CNTN4: variants seen among roughly 807,000 people sequenced by gnomAD.
The protein encoded by CNTN4 is contactin 4.
In CNTN4, 77 loss-of-function variants were observed where a neutral mutation model predicts 122.5. That is an observed-to-expected ratio of 0.63 (90% confidence interval 0.52 to 0.76). The LOEUF (loss-of-function observed/expected upper bound fraction) is 0.76, where lower values mean the gene tolerates loss of function less well. Ranked by LOEUF, CNTN4 falls within the 30% of genes least tolerant of loss-of-function variation. The probability of loss-of-function intolerance (pLI) is 0.00; values close to 1 mark genes in which losing one functional copy is unlikely to be tolerated. For synonymous variants in CNTN4, 512 were observed against 447.0 expected, an observed-to-expected ratio of 1.15 and a Z score of -1.83; for missense variants, 1,256 against 1,259.1, an observed-to-expected ratio of 1.00 and a Z score of 0.04.
chr3:2,401,228 G>T (rs578222394), intron 3 of CNTN4, among the ~76,000 whole-genome samples: 12 of 152,204 alleles, frequency 7.9e-5, no homozygotes, highest in African/African-American at 2.4e-4. Context: ...AGAACATTTT[G>T]TTCATTCCAC....
chr3:2,389,933 G>C (rs192510363), intron 3 of CNTN4, among the ~76,000 whole-genome samples: 1 of 152,130 alleles, frequency 6.6e-6, no homozygotes. Context: ...AAAAGATAAA[G>C]CTTGAGGAAC....
intron 2 of CNTN4, among the ~76,000 whole-genome samples, chr3:2,333,097 C>G (rs188147102): frequency 5.9e-5 from 9 of 152,254 alleles, no homozygotes; most frequent in Middle Eastern, 6.8e-3. Flanking sequence ...ATCAAGACAA[C>G]TTGTGAAGCT....
intron 3 of CNTN4, among the ~76,000 whole-genome samples, chr3:2,352,702 T>C (rs112437483): frequency 0.13 from 19,277 of 152,156 alleles, 1,526 homozygotes; most frequent in Non-Finnish European, 0.18. Flanking sequence ...CTGGAGCCTC[T>C]CCGACAGGTG....
intron 14 of CNTN4, among the ~76,000 whole-genome samples, chr3:3,014,931 T>C (rs1697607936): frequency 6.6e-6 from 1 of 150,586 alleles, no homozygotes. Flanking sequence ...TAGAAAAGTT[T>C]CCTTATCTCT....
intron 2 of CNTN4, among the ~76,000 whole-genome samples, chr3:2,204,347 C>T (rs555624921): frequency 1.2e-4 from 18 of 152,246 alleles, no homozygotes; most frequent in African/African-American, 4.1e-4. Flanking sequence ...TTATTATACA[C>T]ATTTAATAAA....
intron 13 of CNTN4, 151 bp from the exon 14 acceptor site, chr3:2,988,194 A>C (rs759894477): frequency 1.4e-6 from 1 of 726,164 alleles, no homozygotes; most frequent in Non-Finnish European, 2.4e-6. Context: ...TATGTGGACA[A>C]ATACCCTAAA....
At chr3:2,407,747 C>G (rs2047090940) in intron 3 of CNTN4, among the ~76,000 whole-genome samples, 1 of 152,106 alleles carries the variant, frequency 6.6e-6, no homozygotes, top group Non-Finnish European at 1.5e-5. Flanking sequence ...GGACAACAAA[C>G]AAATGCAATC....
intron 2 of CNTN4, among the ~76,000 whole-genome samples, chr3:2,180,144 T>A (rs1444801676): frequency 6.6e-6 from 1 of 151,964 alleles, no homozygotes; most frequent in Non-Finnish European, 1.5e-5. Context: ...ATTTTATAGA[T>A]GTTTTTATGA....
chr3:2,497,446 A>G (rs1024769985), intron 3 of CNTN4, among the ~76,000 whole-genome samples: 2 of 152,118 alleles, frequency 1.3e-5, no homozygotes, highest in Non-Finnish European at 2.9e-5. Flanking sequence ...TTTCACACCT[A>G]CTGTTAGTAG....
chr3:2,526,316 C>T (rs188265755), intron 3 of CNTN4, among the ~76,000 whole-genome samples: 10 of 152,266 alleles, frequency 6.6e-5, no homozygotes, highest in Admixed American at 2.0e-4. Flanking sequence ...GGTATTTCTG[C>T]AGTGTATCAG....
chr3:2,648,017 C>A (rs1280593454), intron 4 of CNTN4, among the ~76,000 whole-genome samples: 1 of 152,094 alleles, frequency 6.6e-6, no homozygotes, highest in Non-Finnish European at 1.5e-5. Context: ...TGCTGCATAC[C>A]CATTTTAAAA....
intron 2 of CNTN4, among the ~76,000 whole-genome samples, chr3:2,210,980 G>A (rs1319514339): frequency 6.6e-6 from 1 of 152,150 alleles, no homozygotes; most frequent in Admixed American, 6.5e-5. Flanking sequence ...ATCACGCAGT[G>A]TGTATTAGGC....
chr3:2,796,100 G>A (rs1013054342), intron 6 of CNTN4, among the ~76,000 whole-genome samples: 1 of 152,100 alleles, frequency 6.6e-6, no homozygotes, highest in Non-Finnish European at 1.5e-5. Flanking sequence ...GGTTAAGGTT[G>A]TCTTTGTTGC....
intron 2 of CNTN4, among the ~76,000 whole-genome samples, chr3:2,241,364 T>C (rs2039930613): frequency 6.6e-6 from 1 of 152,140 alleles, no homozygotes; most frequent in Admixed American, 6.6e-5. Flanking sequence ...TTCCCACGAT[T>C]ATTTCTCCGC....
At chr3:2,516,196 A>G (rs1039075230) in intron 3 of CNTN4, among the ~76,000 whole-genome samples, 4 of 151,848 alleles carry the variant, frequency 2.6e-5, no homozygotes, top group African/African-American at 4.8e-5. Flanking sequence ...TATATTTTTG[A>G]TGCAGAGTAT....
At chr3:2,378,080 A>G (rs558049385) in intron 3 of CNTN4, among the ~76,000 whole-genome samples, 116 of 152,370 alleles carry the variant, frequency 7.6e-4, no homozygotes, top group African/African-American at 2.7e-3. Context: ...ACCACAGTGT[A>G]GTTTGAGGCT....
chr3:2,111,637 A>G (rs1220825617), intron 2 of CNTN4, among the ~76,000 whole-genome samples: 1 of 152,156 alleles, frequency 6.6e-6, no homozygotes, highest in Non-Finnish European at 1.5e-5. Flanking sequence ...TTATGTATTT[A>G]GTATATATAC....
At chr3:2,379,399 C>T (rs2045936871) in intron 3 of CNTN4, among the ~76,000 whole-genome samples, 1 of 152,106 alleles carries the variant, frequency 6.6e-6, no homozygotes. Flanking sequence ...GTACTGATCC[C>T]ACTCTGGCCA....
intron 4 of CNTN4, among the ~76,000 whole-genome samples, chr3:2,697,453 C>T (rs995324186): frequency 6.6e-6 from 1 of 152,138 alleles, no homozygotes; most frequent in African/African-American, 2.4e-5. Context: ...CAAACTTGTG[C>T]TGAATCTATG....
Sources: allele counts gnomAD v4.1 joint callset (sites outside exome capture counted in the v4.1 genomes callset), GRCh38; gene constraint gnomAD v4.1.1; transcripts MANE v1.5; gene names NCBI Gene and HGNC (gene_info 2026-07-23, HGNC 2026-07-21).